The following PRKN variants were observed in gnomAD, a reference collection of about 807,000 sequenced individuals.
PRKN encodes the protein E3 ubiquitin-protein ligase parkin.
PRKN carries 56 observed loss-of-function variants against 59.5 expected under a neutral mutation model. That is an observed-to-expected ratio of 0.94 (90% CI 0.76 to 1.18). PRKN has a LOEUF of 1.18. Ranked by LOEUF, PRKN falls within the 50% of genes most tolerant of loss-of-function variation. The probability of loss-of-function intolerance (pLI) is 0.00; values close to 1 mark genes in which losing one functional copy is unlikely to be tolerated. For missense variants in PRKN, 657 were observed against 596.4 expected (o/e 1.10, Z -1.06); for synonymous variants, 250 against 222.1 (o/e 1.13, Z -1.12).
intron 6 of PRKN, among the ~76,000 whole-genome samples, chr6:161,878,862 T>C (rs998467875): frequency 4.6e-5 from 7 of 152,178 alleles, no homozygotes; most frequent in Non-Finnish European, 1.0e-4. Context: ...AATAGGTATA[T>C]AGTTGTGAAT....
chr6:162,457,847 G>A (rs376503660), intron 1 of PRKN, among the ~76,000 whole-genome samples: 1 of 152,096 alleles, frequency 6.6e-6, no homozygotes, highest in East Asian at 1.9e-4. Flanking sequence ...GTGGCCGGGC[G>A]TGGTGGCTCT....
chr6:161,515,735 C>T (rs551957184), intron 9 of PRKN, among the ~76,000 whole-genome samples: 342 of 152,290 alleles, frequency 2.2e-3, no homozygotes, highest in Middle Eastern at 6.8e-3. Context: ...CTGATGGCAT[C>T]CACTTTCCAG....
At chr6:161,830,412 G>A (rs190907803) in intron 6 of PRKN, among the ~76,000 whole-genome samples, 23 of 152,098 alleles carry the variant, frequency 1.5e-4, no homozygotes, top group South Asian at 6.2e-4. Context: ...CCACCATGCC[G>A]AGCTAATTTT....
chr6:162,181,498 A>C (rs958974800), intron 4 of PRKN, among the ~76,000 whole-genome samples: 2 of 152,204 alleles, frequency 1.3e-5, no homozygotes, highest in African/African-American at 4.8e-5. Context: ...TTAACGGGAC[A>C]AGGGAAGGTA....
At chr6:161,747,713 T>C (rs1788491558) in intron 7 of PRKN, among the ~76,000 whole-genome samples, 1 of 152,214 alleles carries the variant, frequency 6.6e-6, no homozygotes, top group South Asian at 2.1e-4. Context: ...ACATGGTAAT[T>C]AGACGGTTGT....
rs886282108 is a variant in PRKN at position 161,376,259 on chromosome 6, T to C, written c.1167+10535A>G. ...GCAGTTCGTTGGAGATTGTCAGTCTTGCATCTTGATCGCTGGCTCCAGCCT... is the reference window on the plus strand; with the variant it reads ...GCAGTTCGTTGGAGATTGTCAGTCTCGCATCTTGATCGCTGGCTCCAGCCT... On this transcript the variant is annotated intron_variant, in intron 10 of 11. Transcript: ENST00000366898. This position sits in a 1 kb window ranked among gnomAD's most constrained non-coding sequence, Gnocchi z 7.3. 6.6e-6 allele frequency among the ~76,000 whole-genome samples: 1 copy of C among 152,126 alleles called. No individual in the cohort carries two copies. The highest frequency in any genetic ancestry group is 1.5e-5 in the Non-Finnish European group (1 of 68,028).
At chr6:162,439,479 A>C (rs1005801345) in intron 2 of PRKN, among the ~76,000 whole-genome samples, 1 of 152,128 alleles carries the variant, frequency 6.6e-6, no homozygotes, top group African/African-American at 2.4e-5. Flanking sequence ...CGTAGCAAAA[A>C]GAAAACTCAA....
At chr6:161,434,015 T>TAA (rs34213676) in intron 9 of PRKN, among the ~76,000 whole-genome samples, 4 of 150,998 alleles carry the variant, frequency 2.6e-5, no homozygotes, top group Admixed American at 6.6e-5. Flanking sequence ...GAAACTCCAT[T>TAA]AAAAAAAAAT....
At chr6:162,273,720 A>G (rs550060646) in intron 2 of PRKN, among the ~76,000 whole-genome samples, 4 of 152,306 alleles carry the variant, frequency 2.6e-5, no homozygotes, top group African/African-American at 7.2e-5. Context: ...AAAAAATCCA[A>G]TTCATTGAGG....
intron 1 of PRKN, among the ~76,000 whole-genome samples, chr6:162,546,011 A>G (rs1449895724): frequency 6.6e-6 from 1 of 152,152 alleles, no homozygotes; most frequent in Non-Finnish European, 1.5e-5. Context: ...ATGGCACACA[A>G]GAAGCAATGG....
chr6:161,595,844 G>A (rs1023530331), intron 7 of PRKN, among the ~76,000 whole-genome samples: 3 of 152,198 alleles, frequency 2.0e-5, no homozygotes, highest in Admixed American at 6.5e-5. Flanking sequence ...AATTTACGGC[G>A]GGAAAGTGAA....
chr6:162,528,647 A>C (rs995951172), intron 1 of PRKN, among the ~76,000 whole-genome samples: 1 of 152,100 alleles, frequency 6.6e-6, no homozygotes, highest in African/African-American at 2.4e-5. Context: ...TGATATGAAA[A>C]GGAAGTAAAA....
chr6:162,573,874 G>A lies in PRKN; in HGVS notation c.8-130401C>T, dbSNP rs192133415. On this transcript the variant is annotated intron_variant, in intron 1 of 11. Transcript: ENST00000366898. ...TGCTTGCAGAGTAGAATTAACAAGC[G>A]TGAGGCCTGTTAGAAAGAAAGTGAC... 4.9e-3 allele frequency among the ~76,000 whole-genome samples: 753 copies of A among 152,280 alleles called. 4 individuals carry two copies. The highest frequency in any genetic ancestry group is 6.1e-3 in the Non-Finnish European group (414 of 68,026).
At chr6:162,493,217 G>C (rs879796335) in intron 1 of PRKN, among the ~76,000 whole-genome samples, 1 of 152,178 alleles carries the variant, frequency 6.6e-6, no homozygotes, top group Admixed American at 6.5e-5. Flanking sequence ...GAGGAAGAGA[G>C]AGGCAATTTA....
intron 7 of PRKN, among the ~76,000 whole-genome samples, chr6:161,782,128 T>A (rs1284632821): frequency 1.3e-5 from 2 of 152,186 alleles, no homozygotes; most frequent in Admixed American, 6.5e-5. Context: ...CTATTAGTTG[T>A]AGCAATATTT....
intron 2 of PRKN, among the ~76,000 whole-genome samples, chr6:162,324,760 C>G (rs1239961990): frequency 6.6e-6 from 1 of 151,854 alleles, no homozygotes; most frequent in South Asian, 2.1e-4. Context: ...GTGTACGTAT[C>G]TATGTGTAAG....
intron 2 of PRKN, among the ~76,000 whole-genome samples, chr6:162,330,386 A>AC (rs1301408687): frequency 6.6e-6 from 1 of 152,174 alleles, no homozygotes; most frequent in East Asian, 1.9e-4. Context: ...GAGCAATAAA[A>AC]AATTTTATTC....
intron 1 of PRKN, among the ~76,000 whole-genome samples, chr6:162,646,002 G>C (rs1778165199): frequency 6.6e-6 from 1 of 150,574 alleles, no homozygotes; most frequent in African/African-American, 2.4e-5. Flanking sequence ...AGCCTCCCCA[G>C]TAGCTGGGAC....
At chr6:161,655,956 C>G (rs1247233867) in intron 7 of PRKN, among the ~76,000 whole-genome samples, 2 of 149,580 alleles carry the variant, frequency 1.3e-5, no homozygotes, top group Non-Finnish European at 3.0e-5. Flanking sequence ...TTCTTTGATT[C>G]ACGTGTATGG....
Sources: allele counts gnomAD v4.1 joint callset (sites outside exome capture counted in the v4.1 genomes callset), GRCh38; gene constraint gnomAD v4.1.1; non-coding constraint Gnocchi (gnomAD v3.1); transcripts MANE v1.5; gene names NCBI Gene and HGNC (gene_info 2026-07-23, HGNC 2026-07-21).